Variants in CYFIP1 observed in about 807,000 individuals in gnomAD.
CYFIP1 encodes the protein cytoplasmic FMR1-interacting protein 1.
A neutral mutation model predicts 163.5 loss-of-function variants in CYFIP1; 58 were observed. That is an observed-to-expected ratio of 0.35 (90% confidence interval 0.29 to 0.44). The LOEUF is 0.44. Among genes scored for constraint, CYFIP1 ranks in the 20% least tolerant of loss-of-function variants. The probability of loss-of-function intolerance (pLI) is 1.00; values close to 1 mark genes in which losing one functional copy is unlikely to be tolerated. For missense variants in CYFIP1, 1,338 were observed against 1,653.8 expected, an observed-to-expected ratio of 0.81 and a Z score of 3.31; for synonymous variants, 663 against 660.7, an observed-to-expected ratio of 1.00 and a Z score of -0.05.
rs2063309409 is a variant in CYFIP1 at position 22,977,156 on chromosome 15, A to AC, written c.-7+3130dup. Among the ~76,000 whole-genome samples, 5 of 151,928 alleles carry AC rather than the reference A, an allele frequency of 3.3e-5. No individual in the cohort carries two copies. In the South Asian group the frequency reaches 1.0e-3, roughly 32 times the overall value. Reference sequence around the variant, plus strand: ...AGAGGTTGCGGTGGGCCGAGATCGCACCATTGCACTCTAGCCTGGGCAACA... The same window carrying AC: ...AGAGGTTGCGGTGGGCCGAGATCGCACCCATTGCACTCTAGCCTGGGCAACA... On this transcript the variant is annotated intron_variant, in intron 1 of 30. Coordinates refer to ENST00000617928, the MANE Select transcript of CYFIP1 (RefSeq NM_014608.6).
intron 3 of CYFIP1, among the ~76,000 whole-genome samples, chr15:22,945,656 C>T (rs1323319982): frequency 6.6e-6 from 1 of 151,880 alleles, no homozygotes; most frequent in Non-Finnish European, 1.5e-5. Context: ...TCACTGCAAC[C>T]TCTGCCTCCC....
chr15:22,979,126 G>A (rs924526515), intron 1 of CYFIP1, among the ~76,000 whole-genome samples: 1 of 152,156 alleles, frequency 6.6e-6, no homozygotes, highest in Non-Finnish European at 1.5e-5. Context: ...TGAGGGCACC[G>A]GCACTATATC....
chr15:22,885,725 T>A (rs112156026), intron 23 of CYFIP1, among the ~76,000 whole-genome samples: 3,174 of 152,162 alleles, frequency 0.021, 52 homozygotes, highest in Non-Finnish European at 0.034. Context: ...AGGGTGAGAC[T>A]CCATTTCAAA....
intron 17 of CYFIP1, among the ~76,000 whole-genome samples, 159 bp downstream of exon 17, chr15:22,914,567 T>C (rs901063534): frequency 3.3e-5 from 5 of 152,038 alleles, no homozygotes; most frequent in Admixed American, 6.6e-5. Flanking sequence ...GGCTAAGTTT[T>C]CTCATTTTTG....
intron 12 of CYFIP1, among the ~76,000 whole-genome samples, chr15:22,927,554 G>A (rs2142183287): frequency 6.6e-6 from 1 of 151,924 alleles, no homozygotes; most frequent in African/African-American, 2.4e-5. Flanking sequence ...CAACTTGGGA[G>A]GCTGAGGCAG....
intron 21 of CYFIP1, among the ~76,000 whole-genome samples, chr15:22,905,850 C>T (rs2060560072): frequency 6.6e-6 from 1 of 151,850 alleles, no homozygotes; most frequent in Non-Finnish European, 1.5e-5. Context: ...ACCTCTGTCT[C>T]CCGGGTTCCT....
intron 1 of CYFIP1, among the ~76,000 whole-genome samples, chr15:22,976,571 A>G (rs77506872): frequency 0.013 from 1,686 of 131,046 alleles, 35 homozygotes; most frequent in African/African-American, 0.041. Flanking sequence ...CTGCCCTCCA[A>G]AAATAGGTGA....
rs763996703 is a variant in CYFIP1, at chr15:22,914,782, C to T, written c.1929G>A (p.Ser643=). The change falls in exon 17 of 31, where the codon TCG becomes TCA. Residue 643 remains serine, a synonymous_variant. Coordinates refer to ENST00000617928, the MANE Select transcript of CYFIP1 (RefSeq NM_014608.6). ...TGTGGTCCGTCAGGATCCAGGGCAT[C>T]GACATCTCAATGGGGAACTGGATCC... ...GRRIQFPIEM[S]MPWILTDHIL... 5.6e-6 allele frequency: 9 copies of T among 1,613,778 alleles called. No homozygotes were observed. The highest frequency in any genetic ancestry group is 2.2e-5 in the East Asian group (1 of 44,882).
chr15:22,949,387 T>C (rs1197072193), intron 1 of CYFIP1, among the ~76,000 whole-genome samples: 1 of 151,908 alleles, frequency 6.6e-6, no homozygotes, highest in Non-Finnish European at 1.5e-5. Context: ...GGAAGGAAGG[T>C]GAAGCCAGGA....
rs147968657 is a variant in CYFIP1, at chr15:22,903,006, C to T, written c.2588+700G>A. Among the ~76,000 whole-genome samples, 5 of 152,292 alleles carry T rather than the reference C, an allele frequency of 3.3e-5. No homozygotes were observed. The East Asian group carries it at 9.6e-4, about 29-fold the overall frequency. On this transcript the variant is annotated intron_variant, in intron 22 of 30. Coordinates refer to ENST00000617928, the MANE Select transcript of CYFIP1 (RefSeq NM_014608.6). Reference sequence around the variant, plus strand: ...GGGACGCGGAGATCAGAGGCAAGCACAAGCACTTATTTGTAAAAGTGCTCC... The same window carrying T: ...GGGACGCGGAGATCAGAGGCAAGCATAAGCACTTATTTGTAAAAGTGCTCC...
chr15:22,918,079 G>A, intron 14 of CYFIP1, 144 bp from the exon 15 acceptor site: 1 of 945,190 alleles, frequency 1.1e-6, no homozygotes, highest in Non-Finnish European at 1.6e-6. Context: ...GGAGGGATGT[G>A]GTAATGGACC....
At chr15:22,969,320 G>T (rs564120511) in intron 1 of CYFIP1, among the ~76,000 whole-genome samples, 1 of 152,304 alleles carries the variant, frequency 6.6e-6, no homozygotes, top group South Asian at 2.1e-4. Flanking sequence ...GGCATGGGCT[G>T]TGCGTGAAGG....
chr15:22,939,263 C>T lies in CYFIP1; in HGVS notation c.724G>A (p.Val242Met). ...TCGTAGTAATCCACACACAGATTCA[C>T]AATATCTGCCAGGAGCTCTTCGTAG... ...SGYEELLADI[V>M]NLCVDYYENR... Residue 242 changes from valine (V) to methionine (M), a missense_variant, in exon 8 of 31, where the codon GTG becomes ATG. Coordinates refer to ENST00000617928, the MANE Select transcript of CYFIP1 (RefSeq NM_014608.6). The T allele has an allele frequency of 6.2e-7, 1 of 1,614,174 alleles. No homozygotes were observed. Among genetic ancestry groups the T allele is most frequent in the Admixed American group, 1.7e-5 (1 of 60,016 alleles).
intron 1 of CYFIP1, among the ~76,000 whole-genome samples, chr15:22,973,135 C>CA (rs941349802): frequency 2.0e-5 from 3 of 151,556 alleles, no homozygotes; most frequent in East Asian, 3.9e-4. Flanking sequence ...GACTCCGTCT[C>CA]AAAAAAACAA....
In CYFIP1 at chr15:22,875,200, T is replaced by C. The variant is rs372974006; in HGVS notation, c.3114A>G (p.Lys1038=). The C allele has an allele frequency of 3.1e-6, 5 of 1,613,938 alleles. No individual in the cohort carries two copies. Among genetic ancestry groups the C allele is most frequent in the Non-Finnish European group, 4.2e-6 (5 of 1,179,916 alleles). The part of the protein sequence containing the change: ...FQNILPRVHV[K]EGERLDAKMK... The stretch of plus-strand genomic sequence containing the variant: ...CCTGGTGGGGGTCAGCAGGCTCACC[T>C]TTCACATGGACTCGCGGCAAGATGT... Residue 1038 remains lysine, a splice_region_variant and synonymous_variant, in exon 27 of 31, where the codon AAA becomes AAG. Coordinates refer to ENST00000617928, the MANE Select transcript of CYFIP1 (RefSeq NM_014608.6).
intron 1 of CYFIP1, among the ~76,000 whole-genome samples, chr15:22,949,377 G>A (rs1238121830): frequency 1.3e-5 from 2 of 152,166 alleles, no homozygotes; most frequent in African/African-American, 2.4e-5. Context: ...GTGTCTTCCA[G>A]GAAGGAAGGT....
At chr15:22,977,211 AG>A (rs1368898020) in intron 1 of CYFIP1, among the ~76,000 whole-genome samples, 1 of 151,914 alleles carries the variant, frequency 6.6e-6, no homozygotes, top group African/African-American at 2.4e-5. Context: ...AAAAAAAAAA[AG>A]AAAAATAAGG....
chr15:22,883,634 G>C (rs377417347), intron 23 of CYFIP1, among the ~76,000 whole-genome samples: 1 of 152,012 alleles, frequency 6.6e-6, no homozygotes, highest in Non-Finnish European at 1.5e-5. Context: ...TGGCTAACAC[G>C]GTGAAACCCC....
At chr15:22,927,725 G>A (rs1183088197) in intron 12 of CYFIP1, among the ~76,000 whole-genome samples, 181 bp downstream of exon 12, 3 of 151,958 alleles carry the variant, frequency 2.0e-5, no homozygotes, top group Non-Finnish European at 4.4e-5. Context: ...TTAAAAAGGA[G>A]GCCCTTCATT....
Sources: gnomAD v4.1 joint callset for allele counts (sites outside exome capture counted in the v4.1 genomes callset) on GRCh38, gnomAD v4.1.1 for gene constraint, MANE v1.5 for transcripts, NCBI Gene and HGNC (gene_info 2026-07-23, HGNC 2026-07-21) for gene names.